Variants in WDPCP observed in about 807,000 individuals in gnomAD.
WDPCP encodes WD repeat-containing and planar cell polarity effector protein fritz homolog.
Under a neutral mutation model 93.1 loss-of-function variants are expected in WDPCP, and 71 were observed. The ratio of observed to expected loss-of-function variants is 0.76; its 90% CI spans 0.63 to 0.93. The LOEUF is 0.93. Ranked by LOEUF, WDPCP falls within the 40% of genes least tolerant of loss-of-function variation. WDPCP has a pLI of 0.00. For missense variants in WDPCP, 844 were observed against 887.4 expected, an observed-to-expected ratio of 0.95 and a Z score of 0.62; for synonymous variants, 315 against 315.0, an observed-to-expected ratio of 1.00 and a Z score of 0.00.
chr2:63,769,761 C>CA (rs1381228345), intron 2 of WDPCP, among the ~76,000 whole-genome samples: 1 of 151,828 alleles, frequency 6.6e-6, no homozygotes, highest in Non-Finnish European at 1.5e-5. Context: ...TGTTGGGTCA[C>CA]AACTGTAGGT....
intron 2 of WDPCP, among the ~76,000 whole-genome samples, chr2:63,702,878 C>A (rs182810859): frequency 7.9e-5 from 12 of 152,200 alleles, no homozygotes; most frequent in South Asian, 6.2e-4. Flanking sequence ...CCTCTCCCCC[C>A]ACCCCACAAC....
chr2:63,589,211 A>G, upstream of WDPCP: 1 of 1,577,448 alleles, frequency 6.3e-7, no homozygotes, highest in East Asian at 2.3e-5. Flanking sequence ...TGACCCAGTA[A>G]TGGGAAGGGA....
intron 14 of WDPCP, among the ~76,000 whole-genome samples, chr2:63,247,689 AC>A (rs1256057456): frequency 3.3e-5 from 5 of 151,238 alleles, no homozygotes; most frequent in African/African-American, 9.7e-5. Flanking sequence ...AAAAAAAAAA[AC>A]ACCACCAAAC....
intron 14 of WDPCP, among the ~76,000 whole-genome samples, chr2:63,221,407 T>C (rs970474775): frequency 3.9e-5 from 6 of 152,184 alleles, no homozygotes; most frequent in Admixed American, 3.9e-4. Flanking sequence ...ATGAATGATA[T>C]ACTAATAGAA....
chr2:63,482,018 G>A (rs936567691), intron 6 of WDPCP, among the ~76,000 whole-genome samples: 19 of 151,890 alleles, frequency 1.3e-4, no homozygotes, highest in Non-Finnish European at 2.4e-4. Context: ...TACAGGTGAC[G>A]GGAATTAGTT....
chr2:63,361,553 CAT>C (rs1323236022), intron 12 of WDPCP, among the ~76,000 whole-genome samples: 4 of 152,116 alleles, frequency 2.6e-5, no homozygotes, highest in Admixed American at 6.5e-5. Flanking sequence ...GCAAGAATAA[CAT>C]AGGGAACATG....
intron 2 of WDPCP, among the ~76,000 whole-genome samples, chr2:63,678,904 C>T (rs371921626): frequency 1.3e-5 from 2 of 152,162 alleles, no homozygotes; most frequent in East Asian, 1.9e-4. Flanking sequence ...CCGGAGCTAC[C>T]TGATCCCTGC....
At chr2:63,707,140 G>A (rs566101575) in intron 2 of WDPCP, among the ~76,000 whole-genome samples, 58 of 152,178 alleles carry the variant, frequency 3.8e-4, no homozygotes, top group Middle Eastern at 6.8e-3. Flanking sequence ...ACTTTGTGGC[G>A]TTCTCTGTAT....
At chr2:63,407,167 C>G (rs1051683092) in intron 9 of WDPCP, among the ~76,000 whole-genome samples, 1 of 152,018 alleles carries the variant, frequency 6.6e-6, no homozygotes, top group Non-Finnish European at 1.5e-5. Context: ...CGAGACAGAC[C>G]TCTCTCATAA....
At chr2:63,536,603 C>A (rs546313653) in intron 1 of WDPCP, among the ~76,000 whole-genome samples, 3 of 151,590 alleles carry the variant, frequency 2.0e-5, no homozygotes, top group African/African-American at 7.3e-5. Context: ...AGCAAACTAT[C>A]GCAAGGACAG....
intron 6 of WDPCP, among the ~76,000 whole-genome samples, chr2:63,457,229 G>A (rs1406329828): frequency 6.6e-6 from 1 of 152,052 alleles, no homozygotes; most frequent in Non-Finnish European, 1.5e-5. Context: ...AAAATCTAGA[G>A]GAAATGGATA....
chr2:63,588,378 G>T lies in WDPCP; in HGVS notation c.-107C>A. 7.6e-7 allele frequency: 1 copy of T among 1,314,900 alleles called. No homozygotes were observed. Among genetic ancestry groups the T allele is most frequent in the Non-Finnish European group, 1.1e-6 (1 of 931,644 alleles). 81.5% of individuals were successfully genotyped at this position (1,314,900 alleles called of 1,614,324 possible). On this transcript the variant is annotated 5_prime_UTR_variant, in exon 1 of 18. Transcript: ENST00000272321. ...GGGTCTCCAGGACGCCGCCGCCGCC[G>T]CCACAGTTTCCTCAGGTGCTACAAA...
chr2:63,805,807 C>A (rs1187782480), intron 2 of WDPCP, among the ~76,000 whole-genome samples: 1 of 152,096 alleles, frequency 6.6e-6, no homozygotes, highest in East Asian at 1.9e-4. Flanking sequence ...ATGTTTGTCC[C>A]CTCCAAATCT....
Position 63,800,209 on chromosome 2 carries a change from A to C in WDPCP, n.308+13413T>G, listed in dbSNP as rs981688766. ...ACATATAACTTAATTCTAAAAAAAA[A>C]CCCAATGGAATTCTGGCAATTATTT... On this transcript the variant is annotated intron_variant and non_coding_transcript_variant, in intron 2 of 4. Coordinates refer to the WDPCP transcript ENST00000467687. Among the ~76,000 whole-genome samples the C allele has an allele frequency of 3.3e-5, 5 of 152,148 alleles. No individual in the cohort carries two copies. The East Asian group carries it at 7.7e-4, about 23-fold the overall frequency.
At chr2:63,567,229 C>T (rs750943907) in intron 1 of WDPCP, among the ~76,000 whole-genome samples, 1 of 152,162 alleles carries the variant, frequency 6.6e-6, no homozygotes, top group African/African-American at 2.4e-5. Context: ...CCCTAGAGGT[C>T]AGGGAGTGGG....
intron 2 of WDPCP, among the ~76,000 whole-genome samples, chr2:63,682,455 T>C (rs771290129): frequency 1.3e-5 from 2 of 151,984 alleles, no homozygotes; most frequent in Admixed American, 6.6e-5. Context: ...ATTAGTGAGC[T>C]TGAAGATGGG....
intron 2 of WDPCP, among the ~76,000 whole-genome samples, chr2:63,746,952 C>CTCGGGGGCATCATGAAACCTGCCTAGGG (rs1558900801): frequency 6.6e-6 from 1 of 152,030 alleles, no homozygotes; most frequent in South Asian, 2.1e-4. Context: ...GGTTTTATGG[C>CTCGGGGGCATCATGAAACCTGCCTAGGG]TCGGGGGCAT....
intron 14 of WDPCP, among the ~76,000 whole-genome samples, chr2:63,249,606 C>A (rs1350593835): frequency 1.3e-5 from 2 of 152,080 alleles, no homozygotes; most frequent in Non-Finnish European, 2.9e-5. Context: ...CATGTCTTTA[C>A]CTCTGATTTT....
In WDPCP at chr2:63,273,223, T is replaced by A. The variant is rs181137863; in HGVS notation, c.1813-13814A>T. Among the ~76,000 whole-genome samples the A allele has an allele frequency of 2.0e-4, 31 of 152,230 alleles. No homozygotes were observed. The East Asian group carries it at 5.6e-3, about 27-fold the overall frequency. The stretch of plus-strand genomic sequence containing the variant: ...CTGAGGGAATTCATCACCACTAGAC[T>A]GGTCCTACAAGAAATATTTAAGGAA... On this transcript the variant is annotated intron_variant, in intron 13 of 17. Coordinates refer to ENST00000272321, the MANE Select transcript of WDPCP (RefSeq NM_015910.7).
Sources: allele counts gnomAD v4.1 joint callset (sites outside exome capture counted in the v4.1 genomes callset), GRCh38; gene constraint gnomAD v4.1.1; transcripts MANE v1.5; gene names NCBI Gene and HGNC (gene_info 2026-07-23, HGNC 2026-07-21).